The following CTNND2 variants were observed in gnomAD, a reference collection of about 807,000 sequenced individuals.
CTNND2 encodes the protein catenin delta 2.
A neutral mutation model predicts 144.4 loss-of-function variants in CTNND2; 22 were observed. The observed-to-expected ratio is 0.15, with a 90% CI of 0.11 to 0.22. The LOEUF (loss-of-function observed/expected upper bound fraction) is 0.22. CTNND2 is among the 10% of genes least tolerant of loss of function. The pLI is 1.00. For synonymous variants in CTNND2, 751 were observed against 695.6 expected (o/e 1.08, Z -1.25); for missense variants, 1,353 against 1,618.8 (o/e 0.84, Z 2.82).
chr5:11,815,557 G>T (rs79861400), intron 1 of CTNND2, among the ~76,000 whole-genome samples: 2 of 151,860 alleles, frequency 1.3e-5, no homozygotes, highest in East Asian at 3.9e-4. Flanking sequence ...AATCCCAAGG[G>T]GTTTTTTTTC....
intron 1 of CTNND2, among the ~76,000 whole-genome samples, chr5:11,850,528 C>A (rs1330366444): frequency 1.3e-5 from 2 of 152,036 alleles, no homozygotes; most frequent in African/African-American, 4.8e-5. Context: ...ATTAAATTGG[C>A]AGGAGACATT....
chr5:11,324,870 T>TAG (rs1276804932), intron 9 of CTNND2, among the ~76,000 whole-genome samples: 1 of 152,218 alleles, frequency 6.6e-6, no homozygotes, highest in Non-Finnish European at 1.5e-5. Flanking sequence ...CTTCTGAAAT[T>TAG]TACTAAGAAC....
At chr5:11,442,522 G>C (rs1764353980) in intron 3 of CTNND2, among the ~76,000 whole-genome samples, 9 of 145,328 alleles carry the variant, frequency 6.2e-5, no homozygotes, top group Admixed American at 5.3e-4. Context: ...AAAGAAAGGA[G>C]AGTTAGTTTG....
At chr5:11,756,647 TACACAC>T (rs56310010) in intron 1 of CTNND2, among the ~76,000 whole-genome samples, 126,577 of 149,636 alleles carry the variant, frequency 0.85, 53,804 homozygotes, top group East Asian at 0.99. Flanking sequence ...CACACATACA[TACACAC>T]ACACACACAC....
chr5:11,702,904 T>C (rs114653324), intron 2 of CTNND2, among the ~76,000 whole-genome samples: 1,718 of 152,260 alleles, frequency 0.011, 32 homozygotes, highest in African/African-American at 0.04. Flanking sequence ...TCTACTTAAT[T>C]TGGAGGACAG....
chr5:11,879,791 T>G (rs1735892876), intron 1 of CTNND2, among the ~76,000 whole-genome samples: 1 of 152,164 alleles, frequency 6.6e-6, no homozygotes, highest in Non-Finnish European at 1.5e-5. Flanking sequence ...AAAATGCTTT[T>G]TCTATGATGT....
At chr5:11,768,652 T>G (rs891865465) in intron 1 of CTNND2, among the ~76,000 whole-genome samples, 1 of 152,166 alleles carries the variant, frequency 6.6e-6, no homozygotes, top group Non-Finnish European at 1.5e-5. Context: ...ACATAACCAA[T>G]GAGTAACTAA....
At chr5:11,391,199 A>T (rs1295736603) in intron 6 of CTNND2, among the ~76,000 whole-genome samples, 1 of 118,198 alleles carries the variant, frequency 8.5e-6, no homozygotes, top group East Asian at 2.2e-4. Flanking sequence ...GCATGGCTTA[A>T]AGATGACATA....
chr5:11,049,575 C>T (rs1046898851), intron 16 of CTNND2, among the ~76,000 whole-genome samples: 1 of 152,052 alleles, frequency 6.6e-6, no homozygotes, highest in East Asian at 1.9e-4. Context: ...GCGAGTTTAC[C>T]CCAGTCAGCA....
At chr5:11,802,823 T>G (rs1012774548) in intron 1 of CTNND2, among the ~76,000 whole-genome samples, 2 of 152,222 alleles carry the variant, frequency 1.3e-5, no homozygotes, top group Non-Finnish European at 2.9e-5. Context: ...ATTCAACTAA[T>G]AACTTTTGAG....
intron 3 of CTNND2, among the ~76,000 whole-genome samples, chr5:11,415,871 G>A (rs1761897673): frequency 6.6e-6 from 1 of 152,072 alleles, no homozygotes; most frequent in Admixed American, 6.6e-5. Context: ...ATAAGCATGA[G>A]GTCTTCATGC....
chr5:11,570,125 T>C (rs1777444682), intron 2 of CTNND2, among the ~76,000 whole-genome samples: 2 of 152,226 alleles, frequency 1.3e-5, no homozygotes, highest in Admixed American at 6.5e-5. Context: ...TATGGACTTA[T>C]CAAACCCCAA....
rs191472054 is a variant in CTNND2, at chr5:11,180,387, C to T, written c.1975+19061G>A. On this transcript the variant is annotated intron_variant, in intron 11 of 21. Coordinates refer to ENST00000304623, the MANE Select transcript of CTNND2 (RefSeq NM_001332.4). Reference sequence around the variant, plus strand: ...TTCTTTATAGCAGTGTGAAAACAGACTAATACAAGGGTCATGTGGCCTTAA... The same window carrying T: ...TTCTTTATAGCAGTGTGAAAACAGATTAATACAAGGGTCATGTGGCCTTAA... 6.6e-5 allele frequency among the ~76,000 whole-genome samples: 10 copies of T among 152,290 alleles called. No individual in the cohort carries two copies. The East Asian group carries it at 1.9e-3, about 29-fold the overall frequency.
chr5:11,355,512 G>A (rs1755776330), intron 8 of CTNND2, among the ~76,000 whole-genome samples: 1 of 152,022 alleles, frequency 6.6e-6, no homozygotes. Context: ...TATAGAAAGT[G>A]TGTACCACAA....
At chr5:11,669,945 T>C (rs1783794711) in intron 2 of CTNND2, among the ~76,000 whole-genome samples, 1 of 152,208 alleles carries the variant, frequency 6.6e-6, no homozygotes, top group African/African-American at 2.4e-5. Flanking sequence ...TTCCAGTACA[T>C]TATGTCTTTG....
At chr5:11,568,251 G>T (rs1777279557) in intron 2 of CTNND2, among the ~76,000 whole-genome samples, 1 of 152,142 alleles carries the variant, frequency 6.6e-6, no homozygotes, top group African/African-American at 2.4e-5. Flanking sequence ...ATATGAGAAA[G>T]GGCACCTTGC....
intron 2 of CTNND2, among the ~76,000 whole-genome samples, chr5:11,713,388 G>A (rs1786146092): frequency 6.6e-6 from 1 of 151,890 alleles, no homozygotes; most frequent in Non-Finnish European, 1.5e-5. Flanking sequence ...AGACCAGCCT[G>A]ATCAACATGG....
intron 9 of CTNND2, among the ~76,000 whole-genome samples, chr5:11,325,056 C>T (rs1752400766): frequency 6.6e-6 from 1 of 151,500 alleles, no homozygotes. Flanking sequence ...AGAGCTGAAA[C>T]TCTTCATTTC....
intron 12 of CTNND2, among the ~76,000 whole-genome samples, chr5:11,147,268 C>T (rs147952606): frequency 6.6e-6 from 1 of 152,254 alleles, no homozygotes; most frequent in Non-Finnish European, 1.5e-5. Context: ...GCCCAGAATG[C>T]TTTGACAAGG....
Sources: allele counts gnomAD v4.1 joint callset (sites outside exome capture counted in the v4.1 genomes callset), GRCh38; gene constraint gnomAD v4.1.1; transcripts MANE v1.5; gene names NCBI Gene and HGNC (gene_info 2026-07-23, HGNC 2026-07-21).